The following CCDC50 variants were observed in gnomAD, a reference collection of about 807,000 sequenced individuals.
The protein encoded by CCDC50 is coiled-coil domain-containing protein 50.
Under a neutral mutation model 70.2 loss-of-function variants are expected in CCDC50, and 54 were observed. The ratio of observed to expected loss-of-function variants is 0.77; its 90% CI spans 0.62 to 0.96. The LOEUF is 0.96. CCDC50 is among the 50% of genes least tolerant of loss of function. CCDC50 has a pLI of 0.00. For synonymous variants in CCDC50, 216 were observed against 198.8 expected (o/e 1.09, Z -0.73); for missense variants, 558 against 578.7 (o/e 0.96, Z 0.37).
chr3:191,389,111 C>G lies in CCDC50; in HGVS notation c.1323-385C>G, dbSNP rs145250231. Among the ~76,000 whole-genome samples, 51 of 151,386 alleles carry G rather than the reference C, an allele frequency of 3.4e-4. No individual in the cohort carries two copies. The East Asian group carries it at 8.9e-3, about 26-fold the overall frequency. On this transcript the variant is annotated intron_variant, in intron 10 of 11. Transcript: ENST00000392455. The stretch of plus-strand genomic sequence containing the variant: ...TTTCTTTTTTTCCTTTCCTTTCTTC[C>G]TTGGCTTTATTATTTTCTTCTTTTC...
chr3:191,380,135 T>C (rs1400258316), intron 6 of CCDC50, 24 bp from the exon 7 acceptor site: 1 of 1,342,626 alleles, frequency 7.4e-7, no homozygotes, highest in Non-Finnish European at 1.0e-6. Context: ...TTTTATTACA[T>C]TGAGTTTTTT....
At chr3:191,361,024 T>C (rs774170596) in intron 3 of CCDC50, 45 bp from the exon 4 acceptor site, 1 of 1,282,086 alleles carries the variant, frequency 7.8e-7, no homozygotes, top group South Asian at 1.2e-5. Flanking sequence ...AGGAAATACA[T>C]TATTTTTTAT....
intron 10 of CCDC50, among the ~76,000 whole-genome samples, chr3:191,386,883 TG>T (rs774297794): frequency 6.6e-6 from 1 of 152,236 alleles, no homozygotes; most frequent in Non-Finnish European, 1.5e-5. Flanking sequence ...CTCTTGTAAC[TG>T]GAAAAAATTT....
Position 191,396,884 on chromosome 3 carries a change from A to G in CCDC50, c.*5124A>G, listed in dbSNP as rs1016137732. On this transcript the variant is annotated 3_prime_UTR_variant, in exon 12 of 12. Coordinates refer to ENST00000392455, the MANE Select transcript of CCDC50 (RefSeq NM_178335.3). ...CCCTAAAAACCATTCTCTTTCCCTT[A>G]TATATATAAATATGTGAACACTGCC... 1 of 152,192 alleles carries G rather than the reference A, an allele frequency of 6.6e-6. No individual in the cohort carries two copies. The highest frequency in any genetic ancestry group is 6.5e-5 in the Admixed American group (1 of 15,270). The allele number at this position is 152,192 out of a possible 1,614,324, so 9.4% of individuals were successfully genotyped here.
chr3:191,360,584 G>C (rs762588322), intron 3 of CCDC50, among the ~76,000 whole-genome samples: 1 of 152,134 alleles, frequency 6.6e-6, no homozygotes, highest in Non-Finnish European at 1.5e-5. Context: ...ATAGCAATTG[G>C]TCTGAGTAGA....
chr3:191,359,808 C>T (rs1712419909), intron 3 of CCDC50, among the ~76,000 whole-genome samples: 1 of 152,116 alleles, frequency 6.6e-6, no homozygotes, highest in South Asian at 2.1e-4. Flanking sequence ...ATTCACAATT[C>T]TCTGTTAGAA....
In CCDC50 at chr3:191,375,579, C is replaced by T. The variant is rs772939958; in HGVS notation, c.966C>T (p.Leu322=). 1.2e-6 allele frequency: 2 copies of T among 1,612,926 alleles called. No homozygotes were observed. Among genetic ancestry groups the T allele is most frequent in the Non-Finnish European group, 1.7e-6 (2 of 1,179,564 alleles). Residue 322 remains leucine (L), a synonymous_variant, in exon 6 of 12, where the codon CTC becomes CTT. Coordinates refer to ENST00000392455, the MANE Select transcript of CCDC50 (RefSeq NM_178335.3). ...PFSESEEQLH[L]HDAGMKPRVM... ...CAGAGAGTGAGGAGCAGCTCCACCT[C>T]CATGACGCAGGTAATAGAGGACAGT...
intron 10 of CCDC50, among the ~76,000 whole-genome samples, chr3:191,383,031 A>G (rs374490806): frequency 5.3e-5 from 8 of 152,174 alleles, no homozygotes; most frequent in Admixed American, 2.0e-4. Context: ...GAATTTTACA[A>G]TAGTTGGGGT....
chr3:191,390,274 C>T (rs76037692), intron 11 of CCDC50, among the ~76,000 whole-genome samples: 2 of 152,126 alleles, frequency 1.3e-5, no homozygotes, highest in East Asian at 3.9e-4. Context: ...AATATGCATG[C>T]ACACCTCCCA....
intron 6 of CCDC50, among the ~76,000 whole-genome samples, chr3:191,376,745 T>G (rs1488650747): frequency 6.6e-6 from 1 of 152,114 alleles, no homozygotes; most frequent in Non-Finnish European, 1.5e-5. Context: ...AGATCCACTT[T>G]GTTAGGAAGA....
intron 1 of CCDC50, among the ~76,000 whole-genome samples, chr3:191,337,857 C>T (rs908130252): frequency 6.6e-6 from 1 of 151,894 alleles, no homozygotes; most frequent in African/African-American, 2.4e-5. Context: ...ATTATTGGTC[C>T]TGTTTAAAAC....
At chr3:191,385,361 G>A (rs1713451920) in intron 10 of CCDC50, among the ~76,000 whole-genome samples, 1 of 152,102 alleles carries the variant, frequency 6.6e-6, no homozygotes. Flanking sequence ...CATTCTAATT[G>A]TTGTCAGATA....
At chr3:191,390,623 G>C (rs965586341) in intron 11 of CCDC50, among the ~76,000 whole-genome samples, 1 of 152,110 alleles carries the variant, frequency 6.6e-6, no homozygotes, top group Admixed American at 6.6e-5. Flanking sequence ...CATGGCTCTG[G>C]TGGGAGTGTC....
At chr3:191,390,613 C>T (rs1293468676) in intron 11 of CCDC50, among the ~76,000 whole-genome samples, 1 of 152,126 alleles carries the variant, frequency 6.6e-6, no homozygotes, top group African/African-American at 2.4e-5. Flanking sequence ...TGTAACCTGT[C>T]ATGGCTCTGG....
At chr3:191,361,485 G>A (rs1712485180) in intron 4 of CCDC50, among the ~76,000 whole-genome samples, 1 of 152,176 alleles carries the variant, frequency 6.6e-6, no homozygotes, top group South Asian at 2.1e-4. Flanking sequence ...AATCTGAAGT[G>A]TTGGCAGGGT....
intron 1 of CCDC50, among the ~76,000 whole-genome samples, chr3:191,344,027 G>A (rs1711823606): frequency 6.6e-6 from 1 of 152,242 alleles, no homozygotes; most frequent in Admixed American, 6.5e-5. Context: ...CAGCATAGGA[G>A]AAATGTAAAT....
chr3:191,377,226 C>T (rs1713148716), intron 6 of CCDC50, among the ~76,000 whole-genome samples: 1 of 152,108 alleles, frequency 6.6e-6, no homozygotes, highest in Non-Finnish European at 1.5e-5. Flanking sequence ...CTCCCTGGAA[C>T]AGGTCAGAGG....
rs1163612477 is a variant in CCDC50 at position 191,381,232 on chromosome 3, A to G, written c.1242+300A>G. Among the ~76,000 whole-genome samples the G allele has an allele frequency of 2.0e-5, 3 of 152,136 alleles. No homozygotes were observed. The South Asian group carries it at 6.2e-4, about 31-fold the overall frequency. ...AGTTTTCATATACAGTACTTTGATT[A>G]TAGAAGAATATAGCATTTTCACATG... On this transcript the variant is annotated intron_variant, in intron 9 of 11. Coordinates refer to ENST00000392455, the MANE Select transcript of CCDC50 (RefSeq NM_178335.3).
chr3:191,388,123 C>G (rs392311), intron 10 of CCDC50, among the ~76,000 whole-genome samples: 64,095 of 151,730 alleles, frequency 0.42, 15,214 homozygotes, highest in Non-Finnish European at 0.53. Context: ...GCATTATTCA[C>G]TATGTTTCCA....
Sources: gnomAD v4.1 joint callset for allele counts (sites outside exome capture counted in the v4.1 genomes callset) on GRCh38, gnomAD v4.1.1 for gene constraint, MANE v1.5 for transcripts, NCBI Gene and HGNC (gene_info 2026-07-23, HGNC 2026-07-21) for gene names.